SGIP1: variants seen among roughly 807,000 people sequenced by gnomAD.
SGIP1 encodes the protein SH3-containing GRB2-like protein 3-interacting protein 1.
A neutral mutation model predicts 107.5 loss-of-function variants in SGIP1; 38 were observed. That is an observed-to-expected ratio of 0.35 (90% CI 0.27 to 0.46). The LOEUF is 0.46. SGIP1 is among the 20% of genes least tolerant of loss of function. The probability of loss-of-function intolerance (pLI) is 1.00; values close to 1 mark genes in which losing one functional copy is unlikely to be tolerated. For missense variants in SGIP1, 929 were observed against 1,019.5 expected (o/e 0.91, Z 1.21); for synonymous variants, 365 against 366.1 (o/e 1.00, Z 0.03).
chr1:66,632,572 A>G (rs1451444877), intron 2 of SGIP1, among the ~76,000 whole-genome samples: 7 of 152,290 alleles, frequency 4.6e-5, no homozygotes, highest in African/African-American at 1.4e-4. Context: ...CCAGCAGTTC[A>G]AGGCTGGGTA....
intron 1 of SGIP1, among the ~76,000 whole-genome samples, chr1:66,580,068 T>C (rs1049676433): frequency 3.9e-5 from 6 of 152,130 alleles, no homozygotes; most frequent in African/African-American, 1.4e-4. Flanking sequence ...AATTATCTTC[T>C]CTGTTCCCAT....
In SGIP1 at chr1:66,681,990, G is replaced by C; in HGVS notation, c.936G>C (p.Trp312Cys). ...TTGCTGTTAATGCTGAAGAAAAGTG[G>C]GTCCATTTTTCTGATACATCCCCGG... ...KSVAVNAEEK[W>C]VHFSDTSPEH... is the part of the protein sequence containing the mutation. The change falls in exon 15 of 25, where the codon TGG (tryptophan) becomes TGC (cysteine). Residue 312 changes from tryptophan (W) to cysteine (C), a missense_variant. Transcript: ENST00000371037. The C allele has an allele frequency of 6.2e-7, 1 of 1,614,112 alleles. No homozygotes were observed. Among genetic ancestry groups the C allele is most frequent in the Non-Finnish European group, 8.5e-7 (1 of 1,180,032 alleles).
At chr1:66,563,099 G>GA (rs753446084) in intron 1 of SGIP1, among the ~76,000 whole-genome samples, 191 of 150,560 alleles carry the variant, frequency 1.3e-3, no homozygotes, top group South Asian at 6.7e-3. Flanking sequence ...AGTAGAAAGA[G>GA]AAAAAAAAAT....
intron 1 of SGIP1, among the ~76,000 whole-genome samples, chr1:66,582,003 T>A (rs1348875541): frequency 6.6e-6 from 1 of 152,098 alleles, no homozygotes; most frequent in Non-Finnish European, 1.5e-5. Flanking sequence ...GAGACAAAGA[T>A]GATGGATTCT....
At chr1:66,541,946 C>T (rs933465084) in intron 1 of SGIP1, among the ~76,000 whole-genome samples, 1 of 152,104 alleles carries the variant, frequency 6.6e-6, no homozygotes, top group Non-Finnish European at 1.5e-5. Flanking sequence ...GTATATGATA[C>T]CACATTAGCA....
chr1:66,637,371 C>T (rs1165028338), intron 4 of SGIP1, among the ~76,000 whole-genome samples: 1 of 151,738 alleles, frequency 6.6e-6, no homozygotes, highest in East Asian at 1.9e-4. Flanking sequence ...TGATAATTTT[C>T]ACTTGGGAAA....
At chr1:66,659,356 T>C (rs1302086421) in intron 7 of SGIP1, among the ~76,000 whole-genome samples, 1 of 152,108 alleles carries the variant, frequency 6.6e-6, no homozygotes, top group African/African-American at 2.4e-5. Flanking sequence ...GGAGAAGAAT[T>C]CATAATTGTC....
chr1:66,657,070 G>A (rs2079947418), intron 7 of SGIP1, among the ~76,000 whole-genome samples: 1 of 152,150 alleles, frequency 6.6e-6, no homozygotes, highest in Non-Finnish European at 1.5e-5. Context: ...CAGCTACTCA[G>A]GAGGCTGAGA....
intron 18 of SGIP1, among the ~76,000 whole-genome samples, chr1:66,716,996 T>C (rs911001313): frequency 7.2e-5 from 11 of 152,080 alleles, no homozygotes; most frequent in African/African-American, 2.7e-4. Flanking sequence ...CCTCCTTCCT[T>C]CTACACTTAG....
At chr1:66,550,294 A>G (rs1317134513) in intron 1 of SGIP1, among the ~76,000 whole-genome samples, 2 of 152,114 alleles carry the variant, frequency 1.3e-5, no homozygotes, top group East Asian at 3.9e-4. Flanking sequence ...TGATTTTCCT[A>G]GCAGATTGGT....
chr1:66,673,694 CAA>C (rs1279868438), intron 12 of SGIP1, among the ~76,000 whole-genome samples: 2 of 152,180 alleles, frequency 1.3e-5, no homozygotes, highest in African/African-American at 4.8e-5. Context: ...TTTGAGGTGT[CAA>C]CAGAATCACA....
At position 66,739,643 on chromosome 1, in the gene SGIP1, G is replaced by A. The variant is rs887611096; in HGVS notation, c.2234+106G>A. 12 of 1,184,076 alleles carry A rather than the reference G, an allele frequency of 1.0e-5. No individual in the cohort carries two copies. In the Admixed American group the frequency reaches 1.5e-4, roughly 15 times the overall value. The allele number at this position is 1,184,076 out of a possible 1,614,324, so 73.3% of individuals were successfully genotyped here. A position where few individuals can be genotyped will look rare whatever the true frequency, so the allele number is the denominator to read the frequency against. ...TAGGAGGAGATGACAGCAGGCCTGT[G>A]CATTAGGGTTCAGGGCAGGAAATAG... On this transcript the variant is annotated intron_variant, in intron 22 of 24. Transcript: ENST00000371037.
At chr1:66,680,077 C>T (rs1280557217) in intron 14 of SGIP1, among the ~76,000 whole-genome samples, 1 of 152,086 alleles carries the variant, frequency 6.6e-6, no homozygotes, top group Non-Finnish European at 1.5e-5. Context: ...CGTTGGATCT[C>T]GTTTTAATGA....
At chr1:66,667,815 A>G (rs1297135552) in intron 9 of SGIP1, among the ~76,000 whole-genome samples, 1 of 151,436 alleles carries the variant, frequency 6.6e-6, no homozygotes, top group Non-Finnish European at 1.5e-5. Flanking sequence ...GTGTGTATAT[A>G]TGTGTGTGTG....
chr1:66,581,108 T>C (rs992499072), intron 1 of SGIP1, among the ~76,000 whole-genome samples: 1 of 152,100 alleles, frequency 6.6e-6, no homozygotes, highest in African/African-American at 2.4e-5. Flanking sequence ...AAACTCAAAA[T>C]CTCACTCTAT....
intron 15 of SGIP1, among the ~76,000 whole-genome samples, chr1:66,686,365 A>G (rs10889645): frequency 0.14 from 21,349 of 152,278 alleles, 1,588 homozygotes; most frequent in Admixed American, 0.19. Context: ...AATCGTTGCC[A>G]ACCTTTTTTA....
intron 17 of SGIP1, among the ~76,000 whole-genome samples, chr1:66,692,630 G>C (rs188365412): frequency 4.2e-4 from 64 of 152,280 alleles, no homozygotes; most frequent in Admixed American, 1.1e-3. Flanking sequence ...TAGTCAAATG[G>C]TGTGAGGGAG....
chr1:66,604,236 C>G (rs2066393762), intron 1 of SGIP1, among the ~76,000 whole-genome samples: 1 of 152,008 alleles, frequency 6.6e-6, no homozygotes, highest in African/African-American at 2.4e-5. Flanking sequence ...ATTTCTCATC[C>G]CTTGGGTTTA....
chr1:66,587,486 A>C (rs1269577044), intron 1 of SGIP1, among the ~76,000 whole-genome samples: 1 of 152,050 alleles, frequency 6.6e-6, no homozygotes, highest in African/African-American at 2.4e-5. Flanking sequence ...TTCAGATTAT[A>C]TTATTCAGAT....
Sources: gnomAD v4.1 joint callset for allele counts (sites outside exome capture counted in the v4.1 genomes callset) on GRCh38, gnomAD v4.1.1 for gene constraint, MANE v1.5 for transcripts, NCBI Gene and HGNC (gene_info 2026-07-23, HGNC 2026-07-21) for gene names.